ASIC2: variants seen among roughly 807,000 people sequenced by gnomAD.
ASIC2 encodes acid-sensing ion channel 2.
A neutral mutation model predicts 57.3 loss-of-function variants in ASIC2; 25 were observed. The observed-to-expected ratio is 0.44, with a 90% CI of 0.32 to 0.61. ASIC2 has a LOEUF of 0.61. ASIC2 is among the 20% of genes least tolerant of loss of function. ASIC2 has a pLI of 0.06. For synonymous variants in ASIC2, 319 were observed against 307.5 expected (o/e 1.04, Z -0.39); for missense variants, 641 against 738.1 (o/e 0.87, Z 1.52).
At chr17:33,994,351 C>G (rs749458220) in intron 1 of ASIC2, among the ~76,000 whole-genome samples, 8 of 152,162 alleles carry the variant, frequency 5.3e-5, no homozygotes, top group African/African-American at 1.9e-4. Context: ...TGGAATGATG[C>G]ATGGTGCCAT....
intron 1 of ASIC2, among the ~76,000 whole-genome samples, chr17:33,374,445 C>G (rs1909202512): frequency 6.6e-6 from 1 of 152,138 alleles, no homozygotes; most frequent in African/African-American, 2.4e-5. Context: ...TGATTTCATC[C>G]ACAACCAACC....
At chr17:34,017,485 T>C (rs1907015679) in intron 1 of ASIC2, among the ~76,000 whole-genome samples, 1 of 152,212 alleles carries the variant, frequency 6.6e-6, no homozygotes, top group Non-Finnish European at 1.5e-5. Context: ...TTTCTGACTT[T>C]AAATGAAAAG....
chr17:33,924,391 A>G (rs1208870729), intron 1 of ASIC2, among the ~76,000 whole-genome samples: 1 of 152,238 alleles, frequency 6.6e-6, no homozygotes, highest in Non-Finnish European at 1.5e-5. Context: ...AACAGAACAC[A>G]TGGAGTCCGC....
intron 1 of ASIC2, among the ~76,000 whole-genome samples, chr17:33,187,851 T>A (rs1906256482): frequency 8.4e-6 from 1 of 119,224 alleles, no homozygotes; most frequent in African/African-American, 3.3e-5. Context: ...AATGATAACA[T>A]CCAACAACAT....
intron 1 of ASIC2, among the ~76,000 whole-genome samples, chr17:33,449,170 A>C (rs1912151697): frequency 6.6e-6 from 1 of 152,174 alleles, no homozygotes; most frequent in South Asian, 2.1e-4. Context: ...ATAACAGGGA[A>C]ACTATCACTG....
At chr17:33,635,121 A>G (rs1906312764) in intron 1 of ASIC2, 1 of 143,286 alleles carries the variant, frequency 7.0e-6, no homozygotes, top group South Asian at 2.3e-4. Flanking sequence ...CTTCATCTCC[A>G]ACTCACTGTT....
At chr17:33,134,320 C>G (rs1456523768) in intron 1 of ASIC2, among the ~76,000 whole-genome samples, 1 of 152,154 alleles carries the variant, frequency 6.6e-6, no homozygotes, top group African/African-American at 2.4e-5. Context: ...GCTCTCTGCT[C>G]CCCTGCTGTA....
chr17:33,591,880 A>T (rs1024095129), intron 1 of ASIC2, among the ~76,000 whole-genome samples: 1 of 152,148 alleles, frequency 6.6e-6, no homozygotes, highest in Admixed American at 6.5e-5. Context: ...CCTTCAACAG[A>T]TCACTCACAC....
At chr17:33,159,656 C>T (rs770704463) in intron 1 of ASIC2, among the ~76,000 whole-genome samples, 1 of 152,130 alleles carries the variant, frequency 6.6e-6, no homozygotes, top group East Asian at 1.9e-4. Flanking sequence ...CTTGAAATTG[C>T]CCACTCTTGG....
At chr17:33,655,927 C>T (rs115297225) in intron 1 of ASIC2, among the ~76,000 whole-genome samples, 2,302 of 152,056 alleles carry the variant, frequency 0.015, 66 homozygotes, top group African/African-American at 0.052. Flanking sequence ...GATCTCATTC[C>T]TGTTTCAGAA....
At chr17:33,109,091 G>A (rs1243789824) in intron 2 of ASIC2, among the ~76,000 whole-genome samples, 1 of 59,788 alleles carries the variant, frequency 1.7e-5, no homozygotes, top group East Asian at 3.2e-4. Flanking sequence ...TGGGGATTTG[G>A]GGAAAAGGGT....
At chr17:33,829,622 G>A (rs141822098) in intron 1 of ASIC2, among the ~76,000 whole-genome samples, 4 of 151,258 alleles carry the variant, frequency 2.6e-5, no homozygotes, top group African/African-American at 9.7e-5. Context: ...TGTCATCCAG[G>A]CTGGAGTGCA....
chr17:33,076,863 C>T (rs1385371722), intron 3 of ASIC2, among the ~76,000 whole-genome samples: 4 of 152,186 alleles, frequency 2.6e-5, no homozygotes, highest in African/African-American at 9.7e-5. Flanking sequence ...TAAATTTCTG[C>T]TCATACAAAC....
At chr17:33,846,248 T>C (rs1308066790) in intron 1 of ASIC2, among the ~76,000 whole-genome samples, 1 of 152,130 alleles carries the variant, frequency 6.6e-6, no homozygotes, top group African/African-American at 2.4e-5. Context: ...TCCTCCCAGA[T>C]TGTACCTGTG....
chr17:33,159,320 G>A (rs35939027), intron 1 of ASIC2, among the ~76,000 whole-genome samples: 1,553 of 151,658 alleles, frequency 0.01, 17 homozygotes, highest in African/African-American at 0.035. Context: ...AAAATCGTCT[G>A]CCTGTAACAC....
intron 1 of ASIC2, among the ~76,000 whole-genome samples, chr17:33,677,413 T>TA (rs2142055266): frequency 6.6e-6 from 1 of 152,340 alleles, no homozygotes; most frequent in South Asian, 2.1e-4. Flanking sequence ...TTTTGACCTT[T>TA]AAGTCTTATT....
intron 1 of ASIC2, among the ~76,000 whole-genome samples, chr17:33,813,349 G>C (rs182197375): frequency 1.5e-3 from 221 of 152,186 alleles, no homozygotes; most frequent in African/African-American, 5.3e-3. Flanking sequence ...CCGCACTCAA[G>C]GTTGAAAAAA....
intron 1 of ASIC2, among the ~76,000 whole-genome samples, chr17:33,506,422 A>G (rs1186253843): frequency 6.6e-6 from 1 of 151,882 alleles, no homozygotes; most frequent in Non-Finnish European, 1.5e-5. Context: ...CAAAAAAAAA[A>G]AAAAAAACTA....
chr17:33,951,644 G>A (rs993402152), intron 1 of ASIC2, among the ~76,000 whole-genome samples: 13 of 151,080 alleles, frequency 8.6e-5, no homozygotes, highest in Admixed American at 4.6e-4. Context: ...GTACAGTGGC[G>A]CCATCTCGGC....
Sources: gnomAD v4.1 joint callset for allele counts (sites outside exome capture counted in the v4.1 genomes callset) on GRCh38, gnomAD v4.1.1 for gene constraint, MANE v1.5 for transcripts, NCBI Gene and HGNC (gene_info 2026-07-23, HGNC 2026-07-21) for gene names.